The following NBEA variants were observed in gnomAD, a reference collection of about 807,000 sequenced individuals.
NBEA encodes lysosomal-trafficking regulator 2.
NBEA carries 44 observed loss-of-function variants against 343.4 expected under a neutral mutation model. The observed-to-expected ratio is 0.13, with a 90% CI of 0.10 to 0.16. The LOEUF is 0.16. Among genes scored for constraint, NBEA ranks in the 10% least tolerant of loss-of-function variants. NBEA has a pLI of 1.00. For missense variants in NBEA, 2,555 were observed against 3,631.3 expected (o/e 0.70, Z 7.62); for synonymous variants, 1,175 against 1,238.7 (o/e 0.95, Z 1.08).
rs904371886 is a variant in NBEA, at chr13:35,496,506, C to T, written c.6585+23970C>T. Among the ~76,000 whole-genome samples the T allele has an allele frequency of 2.6e-5, 4 of 151,578 alleles. No homozygotes were observed. The South Asian group carries it at 8.3e-4, about 31-fold the overall frequency. ...AACCTTAGCCAGGCATAGTGGTGCA[C>T]ACCTGTGGTCCCAGCTATTCAGTAG... is the stretch of plus-strand genomic sequence containing the variant. On this transcript the variant is annotated intron_variant, in intron 41 of 58. Transcript: ENST00000379939.
chr13:35,081,507 A>G (rs781267575), intron 10 of NBEA, among the ~76,000 whole-genome samples: 8 of 151,950 alleles, frequency 5.3e-5, no homozygotes, highest in Admixed American at 1.3e-4. Context: ...ATATTTATTA[A>G]TGGCTTTCAA....
intron 4 of NBEA, 144 bp downstream of exon 4, chr13:35,045,545 T>C: frequency 1.6e-6 from 1 of 608,932 alleles, no homozygotes; most frequent in Admixed American, 3.4e-5. Context: ...TACTATATAA[T>C]GATTTGAACA....
intron 38 of NBEA, among the ~76,000 whole-genome samples, chr13:35,395,035 G>C (rs529121733): frequency 6.6e-6 from 1 of 151,880 alleles, no homozygotes; most frequent in Admixed American, 6.6e-5. Flanking sequence ...TGTTGTTTAA[G>C]TTTCCGATAT....
rs1001444540 is a variant in NBEA, at chr13:35,206,786, A to G, written c.5367-1914A>G. ...GTCTTACGATTTTACACTCAAAAAAATGTAAGATCATACAGTTTGAGAGTG... is the reference window on the plus strand; with the variant it reads ...GTCTTACGATTTTACACTCAAAAAAGTGTAAGATCATACAGTTTGAGAGTG... On this transcript the variant is annotated intron_variant, in intron 31 of 58. Transcript: ENST00000379939. 5.3e-5 allele frequency among the ~76,000 whole-genome samples: 8 copies of G among 152,238 alleles called. No individual in the cohort carries two copies. The East Asian group carries it at 1.5e-3, about 29-fold the overall frequency.
intron 40 of NBEA, among the ~76,000 whole-genome samples, chr13:35,457,733 C>T (rs913074840): frequency 6.6e-6 from 1 of 152,228 alleles, no homozygotes; most frequent in East Asian, 1.9e-4. Flanking sequence ...CTCAGCCTCC[C>T]GAGTAGCTGG....
intron 1 of NBEA, among the ~76,000 whole-genome samples, chr13:35,002,701 C>T (rs2061182810): frequency 6.6e-6 from 1 of 152,064 alleles, no homozygotes; most frequent in Admixed American, 6.6e-5. Context: ...AAATAGGAAC[C>T]ATTACAATCA....
At chr13:35,210,750 ATTGTT>A (rs1226400706) in intron 32 of NBEA, among the ~76,000 whole-genome samples, 1 of 152,084 alleles carries the variant, frequency 6.6e-6, no homozygotes, top group Non-Finnish European at 1.5e-5. Context: ...CTAAGTTTGC[ATTGTT>A]TTATCAGCAT....
At chr13:35,072,843 G>A (rs2063934411) in intron 10 of NBEA, among the ~76,000 whole-genome samples, 1 of 152,124 alleles carries the variant, frequency 6.6e-6, no homozygotes, top group African/African-American at 2.4e-5. Context: ...GATTACAGGC[G>A]AGAGCCACTA....
intron 18 of NBEA, among the ~76,000 whole-genome samples, chr13:35,144,612 C>A (rs1341473732): frequency 1.3e-5 from 2 of 152,162 alleles, no homozygotes; most frequent in African/African-American, 4.8e-5. Context: ...ATTCCTGTTT[C>A]ATTTCCCCTT....
chr13:35,242,325 A>T (rs527936804), intron 34 of NBEA, among the ~76,000 whole-genome samples: 1 of 152,040 alleles, frequency 6.6e-6, no homozygotes, highest in East Asian at 1.9e-4. Context: ...AGAAAGAATC[A>T]GCAAACTTGA....
intron 41 of NBEA, among the ~76,000 whole-genome samples, chr13:35,477,443 C>T (rs2075925999): frequency 6.6e-6 from 1 of 152,156 alleles, no homozygotes; most frequent in African/African-American, 2.4e-5. Flanking sequence ...ACTTGCCCAG[C>T]ATTACAAGCA....
At chr13:35,629,959 A>T (rs2083382729) in intron 49 of NBEA, among the ~76,000 whole-genome samples, 2 of 152,204 alleles carry the variant, frequency 1.3e-5, no homozygotes, top group Admixed American at 6.5e-5. Context: ...ATATTTTGTT[A>T]TACATTTTTA....
At chr13:35,056,787 G>A (rs934539803) in intron 7 of NBEA, among the ~76,000 whole-genome samples, 4 of 152,056 alleles carry the variant, frequency 2.6e-5, no homozygotes, top group African/African-American at 7.2e-5. Context: ...CTGGGTTTTC[G>A]CATCTTACTC....
At chr13:35,246,224 T>C (rs2031163751) in intron 34 of NBEA, among the ~76,000 whole-genome samples, 1 of 152,188 alleles carries the variant, frequency 6.6e-6, no homozygotes, top group African/African-American at 2.4e-5. Flanking sequence ...TAAGGTAGAC[T>C]TCACCTTTCT....
intron 16 of NBEA, among the ~76,000 whole-genome samples, chr13:35,120,672 AAGGAAGCCC>A: frequency 6.7e-6 from 1 of 149,022 alleles, no homozygotes; most frequent in East Asian, 2.0e-4. Context: ...AATTGGGCTT[AAGGAAGCCC>A]TTGTAATAAC....
chr13:35,160,592 G>A (rs2069487192), intron 22 of NBEA, among the ~76,000 whole-genome samples: 1 of 152,106 alleles, frequency 6.6e-6, no homozygotes, highest in African/African-American at 2.4e-5. Context: ...AACCCTGTGA[G>A]GTAGGTAATA....
intron 48 of NBEA, among the ~76,000 whole-genome samples, chr13:35,615,287 C>CAAAA (rs35687768): frequency 1.7e-5 from 2 of 116,844 alleles, no homozygotes; most frequent in African/African-American, 3.1e-5. Flanking sequence ...GACCCTGTCT[C>CAAAA]AAAAAAAAAA....
intron 51 of NBEA, among the ~76,000 whole-genome samples, chr13:35,646,830 C>T (rs1002551126): frequency 6.6e-6 from 1 of 152,148 alleles, no homozygotes; most frequent in Non-Finnish European, 1.5e-5. Context: ...GTAAGGGCCC[C>T]AGAGCCGGAC....
At chr13:35,156,818 G>A (rs1050091242) in intron 20 of NBEA, among the ~76,000 whole-genome samples, 1 of 152,132 alleles carries the variant, frequency 6.6e-6, no homozygotes, top group Admixed American at 6.6e-5. Flanking sequence ...GCTAAAGGTG[G>A]TGAGAAAGTA....
Sources: gnomAD v4.1 joint callset for allele counts (sites outside exome capture counted in the v4.1 genomes callset) on GRCh38, gnomAD v4.1.1 for gene constraint, MANE v1.5 for transcripts, NCBI Gene and HGNC (gene_info 2026-07-23, HGNC 2026-07-21) for gene names.